The following PDE1C variants were observed in gnomAD, a reference collection of about 807,000 sequenced individuals.
PDE1C encodes dual specificity calcium/calmodulin-dependent 3',5'-cyclic nucleotide phosphodiesterase 1C.
Under a neutral mutation model 93.1 loss-of-function variants are expected in PDE1C, and 62 were observed. That is an observed-to-expected ratio of 0.67 (90% CI 0.54 to 0.82). The LOEUF (loss-of-function observed/expected upper bound fraction) is 0.82. Ranked by LOEUF, PDE1C falls within the 40% of genes least tolerant of loss-of-function variation. The probability of loss-of-function intolerance (pLI) is 0.00; values close to 1 mark genes in which losing one functional copy is unlikely to be tolerated. For missense variants in PDE1C, 742 were observed against 884.6 expected (o/e 0.84, Z 2.04); for synonymous variants, 325 against 310.1 (o/e 1.05, Z -0.50).
chr7:32,217,467 C>T (rs1012754789), intron 1 of PDE1C, among the ~76,000 whole-genome samples: 1 of 110,840 alleles, frequency 9.0e-6, no homozygotes, highest in African/African-American at 3.3e-5. Flanking sequence ...CCTTTGCCCC[C>T]ATGTGGTTTG....
intron 3 of PDE1C, among the ~76,000 whole-genome samples, chr7:32,141,161 T>C (rs545721091): frequency 6.6e-6 from 1 of 152,320 alleles, no homozygotes; most frequent in South Asian, 2.1e-4. Flanking sequence ...CCCTCATAAG[T>C]GTGGCTGGAC....
At chr7:31,809,178 C>G in intron 15 of PDE1C, 70 bp from the exon 16 acceptor site, 1 of 844,124 alleles carries the variant, frequency 1.2e-6, no homozygotes, top group Non-Finnish European at 2.0e-6. Flanking sequence ...ATCTTTAAGT[C>G]TGCCAAGTTT....
At chr7:32,020,320 C>T (rs1410248154) in intron 2 of PDE1C, among the ~76,000 whole-genome samples, 1 of 151,830 alleles carries the variant, frequency 6.6e-6, no homozygotes, top group Non-Finnish European at 1.5e-5. Flanking sequence ...ATCCCCTGCC[C>T]TAAAAAACTC....
rs1028354509 is a variant in PDE1C at position 31,938,120 on chromosome 7, T to C, written c.129-57260A>G. On this transcript the variant is annotated intron_variant, in intron 2 of 17. Coordinates refer to ENST00000396191, the MANE Select transcript of PDE1C (RefSeq NM_001191057.4). ...TGAGCTTTCTGTATAATTACTCACA[T>C]GTACATTTCACACTGTGTAGATACA... Among the ~76,000 whole-genome samples, 15 of 152,248 alleles carry C rather than the reference T, an allele frequency of 9.9e-5. No homozygotes were observed. In the Middle Eastern group the frequency reaches 0.01, roughly 104 times the overall value.
intron 1 of PDE1C, among the ~76,000 whole-genome samples, chr7:32,312,108 A>G (rs1783059556): frequency 6.6e-6 from 1 of 151,868 alleles, no homozygotes; most frequent in South Asian, 2.1e-4. Flanking sequence ...TTATACACCA[A>G]TAACAGACAA....
the PDE1C span, among the ~76,000 whole-genome samples, chr7:31,631,282 A>G: frequency 6.6e-6 from 1 of 152,350 alleles, no homozygotes; most frequent in East Asian, 1.9e-4. Flanking sequence ...ACAAACACAT[A>G]TGCGTGCGTG....
At chr7:32,286,028 C>T (rs1031541488) in intron 1 of PDE1C, among the ~76,000 whole-genome samples, 3 of 152,166 alleles carry the variant, frequency 2.0e-5, no homozygotes, top group Non-Finnish European at 4.4e-5. Flanking sequence ...TCTTCCTATA[C>T]TTGCAGGGAG....
chr7:32,054,215 G>A (rs955535294), intron 1 of PDE1C, among the ~76,000 whole-genome samples: 13 of 152,096 alleles, frequency 8.5e-5, no homozygotes, highest in African/African-American at 2.7e-4. Context: ...CTCTGACACC[G>A]TTCTCCGTGG....
intron 11 of PDE1C, among the ~76,000 whole-genome samples, chr7:31,831,360 G>A (rs1158838923): frequency 2.6e-5 from 4 of 152,090 alleles, no homozygotes; most frequent in Non-Finnish European, 4.4e-5. Context: ...AAAACTATAT[G>A]AGAAAGGGCT....
At chr7:31,732,893 GA>G in the PDE1C span, among the ~76,000 whole-genome samples, 9 of 152,078 alleles carry the variant, frequency 5.9e-5, no homozygotes, top group Admixed American at 2.6e-4. Flanking sequence ...TTAGGTGAAT[GA>G]AAAAAGTGAT....
intron 3 of PDE1C, among the ~76,000 whole-genome samples, chr7:31,880,150 C>G (rs559205477): frequency 6.6e-6 from 1 of 151,888 alleles, no homozygotes; most frequent in Non-Finnish European, 1.5e-5. Flanking sequence ...GGAAAAAAAA[C>G]CACACCTTTC....
rs757933730 is a variant in PDE1C, at chr7:31,837,985, C to T, written c.981-14G>A. On this transcript the variant is annotated splice_polypyrimidine_tract_variant and intron_variant, in intron 9 of 17. Coordinates refer to ENST00000396191, the MANE Select transcript of PDE1C (RefSeq NM_001191057.4). The stretch of plus-strand genomic sequence containing the variant: ...GTTCGAAACTCCCTTTTAGAGACAA[C>T]CATGGAGAAAAAAGGATGGAAGTCA... 6.5e-7 allele frequency: 1 copy of T among 1,549,284 alleles called. No individual in the cohort carries two copies. The highest frequency in any genetic ancestry group is 1.4e-5 in the African/African-American group (1 of 73,276).
Position 32,034,883 on chromosome 7 carries a change from C to A in PDE1C, c.128+16671G>T, listed in dbSNP as rs373158229. On this transcript the variant is annotated intron_variant, in intron 2 of 17. Coordinates refer to ENST00000396191, the MANE Select transcript of PDE1C (RefSeq NM_001191057.4). Reference sequence around the variant, plus strand: ...GAGGCAATAATATTATAGCACCTATCCCAGAGGAGTTAATAAAAATTAAAT... The same window carrying A: ...GAGGCAATAATATTATAGCACCTATACCAGAGGAGTTAATAAAAATTAAAT... Among the ~76,000 whole-genome samples, 20 of 152,228 alleles carry A rather than the reference C, an allele frequency of 1.3e-4. 3 individuals are homozygous for A. Among genetic ancestry groups the A allele is most frequent in the Admixed American group, 6.5e-5 (1 of 15,278 alleles).
rs1785376316 is a variant in PDE1C, at chr7:32,420,156, C to T, written c.310+7666G>A. Among the ~76,000 whole-genome samples the T allele has an allele frequency of 1.5e-4, 7 of 48,212 alleles. 2 individuals are homozygous for T. Among genetic ancestry groups the T allele is most frequent in the African/African-American group, 4.1e-4 (6 of 14,516 alleles). The allele number at this position is 48,212 out of a possible 152,430, so 31.6% of individuals were successfully genotyped here. On this transcript the variant is annotated intron_variant, in intron 1 of 1. Transcript: ENST00000672256. ...ACACACACACACACACACACACACA[C>T]ACATATATATGTGTATATATATACA...
At chr7:31,875,628 C>G (rs1477849634) in intron 5 of PDE1C, among the ~76,000 whole-genome samples, 4 of 151,298 alleles carry the variant, frequency 2.6e-5, no homozygotes, top group Non-Finnish European at 2.9e-5. Context: ...ACAAAGGAAG[C>G]GTGAACCTCC....
intron 2 of PDE1C, among the ~76,000 whole-genome samples, chr7:31,899,511 T>C (rs1279135872): frequency 6.6e-6 from 1 of 152,096 alleles, no homozygotes; most frequent in Non-Finnish European, 1.5e-5. Context: ...CAGCTGATAG[T>C]GTAAGCCCCG....
intron 16 of PDE1C, among the ~76,000 whole-genome samples, chr7:31,781,096 A>G (rs1056442236): frequency 4.6e-5 from 7 of 152,226 alleles, no homozygotes; most frequent in Admixed American, 4.6e-4. Flanking sequence ...AAGAGTGTGG[A>G]GAAGAGGACA....
chr7:31,666,731 C>T, the PDE1C span, among the ~76,000 whole-genome samples: 1 of 152,282 alleles, frequency 6.6e-6, no homozygotes, highest in East Asian at 1.9e-4. Context: ...ATATTCCTAT[C>T]ACCCCAAATG....
At chr7:32,365,534 G>A (rs2128086330) in intron 1 of PDE1C, among the ~76,000 whole-genome samples, 1 of 152,208 alleles carries the variant, frequency 6.6e-6, no homozygotes, top group South Asian at 2.1e-4. Flanking sequence ...CATATCCTGA[G>A]CCTAAGAAAC....
Sources: gnomAD v4.1 joint callset for allele counts (sites outside exome capture counted in the v4.1 genomes callset) on GRCh38, gnomAD v4.1.1 for gene constraint, MANE v1.5 for transcripts, NCBI Gene and HGNC (gene_info 2026-07-23, HGNC 2026-07-21) for gene names.